Variants in MAPRE2 observed in about 807,000 individuals in gnomAD.
MAPRE2 encodes microtubule associated protein RP/EB family member 2.
A neutral mutation model predicts 43.2 loss-of-function variants in MAPRE2; 13 were observed. The observed-to-expected ratio is 0.30, with a 90% CI of 0.20 to 0.48. The LOEUF is 0.48. Ranked by LOEUF, MAPRE2 falls within the 20% of genes least tolerant of loss-of-function variation. MAPRE2 has a pLI of 0.99. For synonymous variants in MAPRE2, 135 were observed against 148.8 expected (o/e 0.91, Z 0.68); for missense variants, 161 against 400.2 (o/e 0.40, Z 5.10).
intron 1 of MAPRE2, among the ~76,000 whole-genome samples, chr18:35,050,250 A>G (rs1905868185): frequency 6.6e-6 from 1 of 152,176 alleles, no homozygotes; most frequent in Admixed American, 6.5e-5. Flanking sequence ...AATAAGTTTC[A>G]GTTTGAACTT....
chr18:35,117,009 C>T (rs568561940), intron 4 of MAPRE2, among the ~76,000 whole-genome samples: 3 of 152,254 alleles, frequency 2.0e-5, no homozygotes, highest in South Asian at 4.1e-4. Flanking sequence ...GTTAGAATCT[C>T]GTAAACCAGC....
intron 2 of MAPRE2, among the ~76,000 whole-genome samples, chr18:35,075,554 G>A (rs1281732943): frequency 2.6e-5 from 4 of 152,208 alleles, no homozygotes; most frequent in Non-Finnish European, 5.9e-5. Flanking sequence ...GTTATTTGCT[G>A]TAAGAAAGTT....
At chr18:34,983,867 T>A (rs2097017648) in intron 1 of MAPRE2, among the ~76,000 whole-genome samples, 1 of 152,174 alleles carries the variant, frequency 6.6e-6, no homozygotes, top group Non-Finnish European at 1.5e-5. Flanking sequence ...TGACTTCAAG[T>A]GATCCACCCG....
intron 1 of MAPRE2, among the ~76,000 whole-genome samples, chr18:35,002,577 T>G (rs191563236): frequency 7.7e-4 from 118 of 152,322 alleles, no homozygotes; most frequent in Non-Finnish European, 1.3e-3. Context: ...ACATTTGGTG[T>G]TGTCGCTATT....
intron 1 of MAPRE2, among the ~76,000 whole-genome samples, chr18:34,996,302 G>C (rs774889780): frequency 3.9e-5 from 6 of 152,076 alleles, no homozygotes; most frequent in Non-Finnish European, 8.8e-5. Flanking sequence ...ATGGTTTCGG[G>C]ATGAAACTGT....
At chr18:34,997,619 TA>T (rs1208944872) in intron 1 of MAPRE2, among the ~76,000 whole-genome samples, 1 of 152,048 alleles carries the variant, frequency 6.6e-6, no homozygotes, top group Non-Finnish European at 1.5e-5. Flanking sequence ...AGTTCGAGAC[TA>T]GCCTGGCCAA....
rs1910177780 is a variant in MAPRE2, at chr18:35,132,068, A to G, written c.787A>G (p.Lys263Glu). ...AAAACTTGCCCTTGAAGGCGTGGAA[A>G]AGGAAAGGGATTTCTACTTTGGGAA... is the stretch of plus-strand genomic sequence containing the variant. ...SLKLALEGVE[K>E]ERDFYFGKLR... Residue 263 changes from lysine to glutamate, a missense_variant, in exon 6 of 7, where the codon AAG becomes GAG. Lys to Glu is a moderately conservative substitution (Grantham distance 56, BLOSUM62 1). This residue lies in a region of MAPRE2 where 96 missense variants were observed against 153.3 expected (regional missense o/e 0.63). Coordinates refer to ENST00000300249, the MANE Select transcript of MAPRE2 (RefSeq NM_014268.4). 6.2e-7 allele frequency: 1 copy of G among 1,614,210 alleles called. No individual in the cohort carries two copies. The highest frequency in any genetic ancestry group is 8.5e-7 in the Non-Finnish European group (1 of 1,180,036).
intron 1 of MAPRE2, among the ~76,000 whole-genome samples, chr18:35,069,611 A>G (rs1016746832): frequency 1.3e-5 from 2 of 152,144 alleles, no homozygotes; most frequent in South Asian, 2.1e-4. Context: ...TTTTGCATGT[A>G]TTTGAAAGTT....
At chr18:35,128,535 G>T (rs1569014719) in intron 5 of MAPRE2, among the ~76,000 whole-genome samples, 1 of 152,192 alleles carries the variant, frequency 6.6e-6, no homozygotes, top group East Asian at 1.9e-4. Context: ...ACTTTACATT[G>T]TATTAGGTAT....
chr18:35,082,645 A>G (rs910086860), intron 2 of MAPRE2, among the ~76,000 whole-genome samples: 2 of 151,974 alleles, frequency 1.3e-5, no homozygotes, highest in East Asian at 1.9e-4. Context: ...CTCTCTTTTC[A>G]ATGATCAGAC....
intron 2 of MAPRE2, among the ~76,000 whole-genome samples, chr18:35,095,574 G>A (rs541199650): frequency 1.3e-5 from 2 of 149,880 alleles, no homozygotes; most frequent in East Asian, 2.0e-4. Flanking sequence ...TGAAACATGA[G>A]GAATTTGGTT....
intron 1 of MAPRE2, among the ~76,000 whole-genome samples, chr18:35,047,602 A>G (rs1357042598): frequency 6.6e-6 from 1 of 152,166 alleles, no homozygotes; most frequent in Non-Finnish European, 1.5e-5. Flanking sequence ...ATATGTTTTT[A>G]TAAAATGCCT....
At chr18:35,010,854 G>T (rs1261798808) in intron 2 of MAPRE2, among the ~76,000 whole-genome samples, 1 of 152,138 alleles carries the variant, frequency 6.6e-6, no homozygotes, top group Non-Finnish European at 1.5e-5. Context: ...AATATAGAGA[G>T]GTAGATGGTT....
At chr18:35,043,589 A>G (rs1401384057) in intron 1 of MAPRE2, among the ~76,000 whole-genome samples, 1 of 152,208 alleles carries the variant, frequency 6.6e-6, no homozygotes, top group African/African-American at 2.4e-5. Flanking sequence ...GAGTCCCTAT[A>G]ATGGCATTCA....
intron 1 of MAPRE2, among the ~76,000 whole-genome samples, chr18:34,985,361 T>A (rs867807269): frequency 3.6e-4 from 15 of 41,282 alleles, no homozygotes; most frequent in South Asian, 3.6e-3. Flanking sequence ...ATATATATAA[T>A]ATAATATATA....
At chr18:35,080,934 T>C (rs1050698587) in intron 2 of MAPRE2, among the ~76,000 whole-genome samples, 1 of 152,226 alleles carries the variant, frequency 6.6e-6, no homozygotes, top group Non-Finnish European at 1.5e-5. Context: ...ATAAGCTTTT[T>C]ATGACCAAAT....
intron 2 of MAPRE2, among the ~76,000 whole-genome samples, chr18:35,091,775 T>C (rs1908162102): frequency 6.6e-6 from 1 of 151,932 alleles, no homozygotes; most frequent in Admixed American, 6.6e-5. Flanking sequence ...GACTTCAAAA[T>C]ACACTACAGA....
At chr18:35,048,571 T>C (rs1443395448) in intron 1 of MAPRE2, among the ~76,000 whole-genome samples, 2 of 149,752 alleles carry the variant, frequency 1.3e-5, no homozygotes, top group African/African-American at 2.4e-5. Context: ...AGTAGTAACA[T>C]ATATGTATTA....
At chr18:35,052,335 T>A (rs534198062) in intron 1 of MAPRE2, among the ~76,000 whole-genome samples, 6 of 152,372 alleles carry the variant, frequency 3.9e-5, no homozygotes, top group Middle Eastern at 6.8e-3. Flanking sequence ...CACTCATTAG[T>A]GTCTGACTAC....
Sources: gnomAD v4.1 joint callset for allele counts (sites outside exome capture counted in the v4.1 genomes callset) on GRCh38, gnomAD v4.1.1 for gene constraint, gnomAD v4.1.1 regional missense constraint, MANE v1.5 for transcripts, NCBI Gene and HGNC (gene_info 2026-07-23, HGNC 2026-07-21) for gene names.